Variants in BAALC observed in about 807,000 individuals in gnomAD.
BAALC encodes the protein BAALC binder of MAP3K1 and KLF4, also known as brain and acute leukemia cytoplasmic protein.
Under a neutral mutation model 15.5 loss-of-function variants are expected in BAALC, and 9 were observed. That is an observed-to-expected ratio of 0.58 (90% CI 0.35 to 1.02). BAALC has a LOEUF of 1.02. BAALC is among the 50% of genes least tolerant of loss of function. The pLI, the probability that BAALC is intolerant of heterozygous loss-of-function variation, is 0.02. For synonymous variants in BAALC, 80 were observed against 74.6 expected (o/e 1.07, Z -0.37); for missense variants, 201 against 192.4 (o/e 1.04, Z -0.27).
intron 1 of BAALC, among the ~76,000 whole-genome samples, chr8:103,160,952 C>T (rs529096912): frequency 1.3e-3 from 191 of 152,298 alleles, no homozygotes; most frequent in African/African-American, 4.4e-3. Context: ...TTTGGCAACA[C>T]CCTCACAGAC....
intron 1 of BAALC, among the ~76,000 whole-genome samples, chr8:103,145,961 A>T (rs1435736051): frequency 6.6e-6 from 1 of 152,228 alleles, no homozygotes; most frequent in Non-Finnish European, 1.5e-5. Context: ...AGAGCTATGA[A>T]AACAATATTC....
intron 2 of BAALC, among the ~76,000 whole-genome samples, chr8:103,225,332 T>C (rs138877113): frequency 1.3e-5 from 2 of 152,302 alleles, no homozygotes; most frequent in African/African-American, 2.4e-5. Context: ...ATGAAATAAA[T>C]AGATAAGACT....
chr8:103,213,000 C>T lies in BAALC; in HGVS notation c.242C>T (p.Thr81Met), dbSNP rs147117793. The change falls in exon 2 of 3, where the codon ACG (threonine) becomes ATG (methionine). Residue 81 changes from threonine (T) to methionine (M), a missense_variant. Thr to Met is a moderately conservative substitution (Grantham distance 81, BLOSUM62 -1). Transcript: ENST00000309982. Reference protein sequence around the residue: ...PGGIPNPEKKTNCETQCPNPQ... With the variant: ...PGGIPNPEKKMNCETQCPNPQ... ...GGAATACCCAACCCAGAGAAGAAGA[C>T]GAACTGTGAGACCCAGTGCCCAAAT... 44 of 1,614,008 alleles carry T rather than the reference C, an allele frequency of 2.7e-5. No individual in the cohort carries two copies. The highest frequency in any genetic ancestry group is 1.1e-4 in the African/African-American group (8 of 74,918).
intron 1 of BAALC, chr8:103,141,373 A>C: frequency 1.7e-5 from 5 of 289,496 alleles, no homozygotes; most frequent in East Asian, 1.2e-4. Flanking sequence ...CCGCACACAT[A>C]TCCCTCAGCC....
intron 1 of BAALC, among the ~76,000 whole-genome samples, chr8:103,144,428 G>C (rs1468773422): frequency 6.6e-6 from 1 of 152,194 alleles, no homozygotes; most frequent in Non-Finnish European, 1.5e-5. Flanking sequence ...TGTCACCAAA[G>C]TCTGTCCCTC....
chr8:103,200,617 T>A, intron 1 of BAALC: 1 of 650,834 alleles, frequency 1.5e-6, no homozygotes, highest in Non-Finnish European at 2.8e-6. Context: ...GAAATACCTA[T>A]ACTGGATAAT....
At chr8:103,171,771 TTTACCTCTCGTGTCAGAG>T (rs1811500101) in intron 1 of BAALC, among the ~76,000 whole-genome samples, 1 of 152,164 alleles carries the variant, frequency 6.6e-6, no homozygotes. Context: ...TTTGCATCTG[TTTACCTCTCGTGTCAGAG>T]TGAGGACCTA....
chr8:103,170,007 T>C (rs1218310500), intron 1 of BAALC, among the ~76,000 whole-genome samples: 1 of 152,194 alleles, frequency 6.6e-6, no homozygotes, highest in Non-Finnish European at 1.5e-5. Context: ...GTTTCCTTTT[T>C]TTCCCCTTAG....
chr8:103,215,097 G>A (rs897188112), intron 2 of BAALC: 4 of 152,218 alleles, frequency 2.6e-5, no homozygotes, highest in Admixed American at 6.5e-5. Context: ...TCAAGAGGAA[G>A]CAGCTTTGCC....
intron 1 of BAALC, among the ~76,000 whole-genome samples, chr8:103,164,173 G>T (rs1811291283): frequency 6.6e-6 from 1 of 152,140 alleles, no homozygotes; most frequent in African/African-American, 2.4e-5. Context: ...GGGATAGAGT[G>T]CTCCAGGAGG....
chr8:103,214,497 C>T (rs922806311), intron 2 of BAALC, among the ~76,000 whole-genome samples: 9 of 152,204 alleles, frequency 5.9e-5, no homozygotes, highest in South Asian at 2.1e-4. Flanking sequence ...CCTGTCCCCT[C>T]GGGCCAATGC....
chr8:103,200,638 C>G (rs555565913), intron 1 of BAALC: 38 of 674,520 alleles, frequency 5.6e-5, no homozygotes, highest in Non-Finnish European at 1.0e-4. Context: ...TTATAAGTAA[C>G]AGAAAATTAT....
intron 1 of BAALC, among the ~76,000 whole-genome samples, chr8:103,147,470 GA>G (rs1247728215): frequency 6.6e-6 from 1 of 152,082 alleles, no homozygotes; most frequent in Non-Finnish European, 1.5e-5. Flanking sequence ...AAACATTGCA[GA>G]TTTTTTTTTC....
intron 1 of BAALC, among the ~76,000 whole-genome samples, chr8:103,163,371 C>T (rs780992752): frequency 6.6e-6 from 1 of 152,068 alleles, no homozygotes; most frequent in Non-Finnish European, 1.5e-5. Context: ...GCTCTTGATT[C>T]CAGACCACAT....
At chr8:103,202,596 A>G (rs1812242206) in intron 1 of BAALC, among the ~76,000 whole-genome samples, 1 of 152,250 alleles carries the variant, frequency 6.6e-6, no homozygotes, top group African/African-American at 2.4e-5. Flanking sequence ...GGAGACACAA[A>G]GAGGAAAGAG....
chr8:103,179,936 G>C (rs1362007020), intron 1 of BAALC, among the ~76,000 whole-genome samples: 1 of 152,222 alleles, frequency 6.6e-6, no homozygotes, highest in Non-Finnish European at 1.5e-5. Flanking sequence ...CATGATCAAA[G>C]AGAGGTGGTT....
At chr8:103,205,613 A>C (rs1485721951) in intron 1 of BAALC, among the ~76,000 whole-genome samples, 1 of 152,134 alleles carries the variant, frequency 6.6e-6, no homozygotes, top group Non-Finnish European at 1.5e-5. Flanking sequence ...CCCCTGCCTT[A>C]GAATCCCTGG....
At chr8:103,171,264 AAG>A (rs1811479787) in intron 1 of BAALC, among the ~76,000 whole-genome samples, 1 of 145,168 alleles carries the variant, frequency 6.9e-6, no homozygotes, top group Non-Finnish European at 1.5e-5. Flanking sequence ...GAAGAAAGGA[AAG>A]AAGAGAAAAA....
At chr8:103,171,850 T>C (rs1041821900) in intron 1 of BAALC, 16 of 152,220 alleles carry the variant, frequency 1.1e-4, no homozygotes, top group African/African-American at 3.9e-4. Context: ...GAGTTCACTA[T>C]TGGTGAAGAA....
Sources: allele counts gnomAD v4.1 joint callset (sites outside exome capture counted in the v4.1 genomes callset), GRCh38; gene constraint gnomAD v4.1.1; transcripts MANE v1.5; gene names NCBI Gene and HGNC (gene_info 2026-07-23, HGNC 2026-07-21).